EPHB1: variants seen among roughly 807,000 people sequenced by gnomAD.
EPHB1 encodes the protein ephrin type-B receptor 1.
In EPHB1, 30 loss-of-function variants were observed where a neutral mutation model predicts 94.4. The observed-to-expected ratio is 0.32, with a 90% CI of 0.24 to 0.43. The LOEUF is 0.43. Among genes scored for constraint, EPHB1 ranks in the 20% least tolerant of loss-of-function variants. EPHB1 has a pLI of 1.00. For synonymous variants in EPHB1, 522 were observed against 489.1 expected (o/e 1.07, Z -0.89); for missense variants, 1,055 against 1,308.3 (o/e 0.81, Z 2.99).
intron 3 of EPHB1, among the ~76,000 whole-genome samples, chr3:135,092,660 C>G (rs1037611779): frequency 1.4e-5 from 2 of 143,478 alleles, no homozygotes; most frequent in Non-Finnish European, 3.1e-5. Context: ...CAGAGTCTCT[C>G]TGTCACCCTG....
At chr3:135,124,097 A>G (rs1200817501) in intron 4 of EPHB1, among the ~76,000 whole-genome samples, 3 of 151,670 alleles carry the variant, frequency 2.0e-5, no homozygotes, top group Non-Finnish European at 2.9e-5. Flanking sequence ...CTACTTCTTG[A>G]TTGTTATATG....
At chr3:135,074,843 AAGC>A (rs573060179) in intron 3 of EPHB1, among the ~76,000 whole-genome samples, 217 of 152,306 alleles carry the variant, frequency 1.4e-3, no homozygotes, top group African/African-American at 4.8e-3. Flanking sequence ...AAGGCCATGT[AAGC>A]AGCATCAGAG....
intron 3 of EPHB1, among the ~76,000 whole-genome samples, chr3:135,034,057 T>A (rs1936570127): frequency 1.3e-5 from 2 of 152,080 alleles, no homozygotes; most frequent in East Asian, 1.9e-4. Context: ...CTTTTTTTTT[T>A]AAACTCTGAG....
At chr3:135,161,880 A>T in intron 6 of EPHB1, 138 bp from the exon 7 acceptor site, 1 of 887,964 alleles carries the variant, frequency 1.1e-6, no homozygotes, top group Non-Finnish European at 1.6e-6. Flanking sequence ...ATCCAGAGGG[A>T]TGGCCTGGAG....
At chr3:135,225,196 C>T (rs1378373524) in intron 12 of EPHB1, among the ~76,000 whole-genome samples, 1 of 152,238 alleles carries the variant, frequency 6.6e-6, no homozygotes. Context: ...CCCTTTGCCA[C>T]AGGCAGTAAA....
At chr3:135,056,152 A>C (rs2107774239) in intron 3 of EPHB1, among the ~76,000 whole-genome samples, 1 of 152,352 alleles carries the variant, frequency 6.6e-6, no homozygotes, top group South Asian at 2.1e-4. Context: ...CCAGTGTGGA[A>C]CATCGGGCTT....
chr3:135,179,812 A>C, intron 9 of EPHB1, 48 bp from the exon 10 acceptor site: 1 of 1,609,668 alleles, frequency 6.2e-7, no homozygotes. Flanking sequence ...GCTGAATGAC[A>C]ACCATGTCCT....
In EPHB1 at chr3:135,106,553, G is replaced by A. The variant is rs371780361; in HGVS notation, c.911G>A (p.Arg304Gln). 49 of 1,614,022 alleles carry A rather than the reference G, an allele frequency of 3.0e-5. No individual in the cohort carries two copies. Among genetic ancestry groups the A allele is most frequent in the Middle Eastern group, 1.6e-4 (1 of 6,062 alleles). ...GAGGCGTCTCCCATCTGCACCTGTC[G>A]GACCGGTTATTACCGAGCGGACTTT... Reference protein sequence around the residue: ...PAEASPICTCRTGYYRADFDP... With the variant: ...PAEASPICTCQTGYYRADFDP... The change falls in exon 4 of 16, where the codon CGG (arginine) becomes CAG (glutamine). Residue 304 changes from arginine (R) to glutamine (Q), a missense_variant. Transcript: ENST00000398015.
intron 9 of EPHB1, among the ~76,000 whole-genome samples, chr3:135,172,713 AG>A (rs1941840879): frequency 1.3e-5 from 2 of 152,240 alleles, no homozygotes; most frequent in African/African-American, 4.8e-5. Context: ...TTAGTCAATG[AG>A]GAGAGTAAAC....
At chr3:134,825,440 G>A (rs73229122) in intron 1 of EPHB1, among the ~76,000 whole-genome samples, 7,233 of 152,266 alleles carry the variant, frequency 0.048, 189 homozygotes, top group Middle Eastern at 0.082. Context: ...TCCCTTGCAG[G>A]GTTTCATCTA....
At chr3:134,888,318 T>C (rs1434710917) in intron 1 of EPHB1, among the ~76,000 whole-genome samples, 6 of 152,268 alleles carry the variant, frequency 3.9e-5, no homozygotes, top group African/African-American at 4.8e-5. Flanking sequence ...CTCCAAGCCA[T>C]GAGGGAGGGG....
chr3:135,253,677 G>T (rs1309025794), intron 15 of EPHB1, among the ~76,000 whole-genome samples: 3 of 142,720 alleles, frequency 2.1e-5, no homozygotes, highest in Non-Finnish European at 3.1e-5. Flanking sequence ...TTTGGCTTAG[G>T]ATTGACTTGG....
intron 2 of EPHB1, among the ~76,000 whole-genome samples, chr3:134,932,824 A>G (rs1205980482): frequency 6.6e-6 from 1 of 152,226 alleles, no homozygotes; most frequent in Non-Finnish European, 1.5e-5. Flanking sequence ...GCTCTGGGCA[A>G]AATGGTTTTG....
At chr3:135,251,842 T>A (rs1933115633) in intron 15 of EPHB1, among the ~76,000 whole-genome samples, 1 of 152,100 alleles carries the variant, frequency 6.6e-6, no homozygotes, top group Non-Finnish European at 1.5e-5. Context: ...CTGTGCTGGG[T>A]TCAGGGGGCT....
rs538658783 is a variant in EPHB1, at chr3:135,100,685, A to C, written c.806-5763A>C. Among the ~76,000 whole-genome samples, 128 of 152,296 alleles carry C rather than the reference A, an allele frequency of 8.4e-4. 1 individual carries two copies. Among genetic ancestry groups the C allele is most frequent in the African/African-American group, 3.0e-3 (124 of 41,562 alleles). On this transcript the variant is annotated intron_variant, in intron 3 of 15. Transcript: ENST00000398015. ...TCACTGGAAGTCTGTGTGCAGGGAC[A>C]GGAGGAGAGGAGTGTCTCGAGAGTA...
chr3:134,808,328 AGGGTGATT>A (rs964336192), intron 1 of EPHB1, among the ~76,000 whole-genome samples: 2 of 152,140 alleles, frequency 1.3e-5, no homozygotes, highest in African/African-American at 4.8e-5. Context: ...CTCCATTACC[AGGGTGATT>A]GAAATACACT....
intron 1 of EPHB1, among the ~76,000 whole-genome samples, chr3:134,916,841 C>T (rs1365002754): frequency 6.6e-6 from 1 of 152,216 alleles, no homozygotes; most frequent in Non-Finnish European, 1.5e-5. Flanking sequence ...GCTCCTCAAG[C>T]GCGGCCAGAA....
intron 3 of EPHB1, among the ~76,000 whole-genome samples, chr3:134,967,288 G>T (rs1933795589): frequency 6.6e-6 from 1 of 152,194 alleles, no homozygotes; most frequent in African/African-American, 2.4e-5. Context: ...GTACTAACTA[G>T]TCAGGGAGGA....
At chr3:134,865,153 C>T (rs1452351163) in intron 1 of EPHB1, among the ~76,000 whole-genome samples, 1 of 151,904 alleles carries the variant, frequency 6.6e-6, no homozygotes, top group African/African-American at 2.4e-5. Flanking sequence ...ATATCTGAAA[C>T]AAAATTCCCA....
Sources: gnomAD v4.1 joint callset for allele counts (sites outside exome capture counted in the v4.1 genomes callset) on GRCh38, gnomAD v4.1.1 for gene constraint, MANE v1.5 for transcripts, NCBI Gene and HGNC (gene_info 2026-07-23, HGNC 2026-07-21) for gene names.